Variants in FBXL18 observed in about 807,000 individuals in gnomAD.
The protein encoded by FBXL18 is F-box/LRR-repeat protein 18.
A neutral mutation model predicts 46.0 loss-of-function variants in FBXL18; 36 were observed. That is an observed-to-expected ratio of 0.78 (90% CI 0.60 to 1.03). FBXL18 has a LOEUF of 1.03. Among genes scored for constraint, FBXL18 ranks in the 50% least tolerant of loss-of-function variants. The pLI, the probability that FBXL18 is intolerant of heterozygous loss-of-function variation, is 0.00. For missense variants in FBXL18, 977 were observed against 1,004.1 expected (o/e 0.97, Z 0.36); for synonymous variants, 557 against 465.3 (o/e 1.20, Z -2.54).
chr7:5,485,346 G>C (rs1202781148), intron 4 of FBXL18, among the ~76,000 whole-genome samples: 1 of 152,188 alleles, frequency 6.6e-6, no homozygotes, highest in Non-Finnish European at 1.5e-5. Context: ...TTCATAGTCT[G>C]CTACGTACAT....
At chr7:5,470,052 A>T (rs1236157992) in intron 4 of FBXL18, among the ~76,000 whole-genome samples, 1 of 152,048 alleles carries the variant, frequency 6.6e-6, no homozygotes, top group East Asian at 1.9e-4. Context: ...GAGTGAGTGC[A>T]CATGCGTGTG....
chr7:5,461,478 A>C (rs1175590432), intron 4 of FBXL18, among the ~76,000 whole-genome samples: 2 of 152,224 alleles, frequency 1.3e-5, no homozygotes, highest in Non-Finnish European at 2.9e-5. Flanking sequence ...ACAAGACGCC[A>C]TCCCTACAAA....
chr7:5,464,648 G>A (rs1783314863), intron 4 of FBXL18, among the ~76,000 whole-genome samples: 1 of 71,798 alleles, frequency 1.4e-5, no homozygotes, highest in Non-Finnish European at 2.5e-5. Context: ...GGGCCAATGA[G>A]CAAAACTCTT....
At chr7:5,457,479 G>C (rs1368339088) in intron 4 of FBXL18, among the ~76,000 whole-genome samples, 2 of 152,116 alleles carry the variant, frequency 1.3e-5, no homozygotes, top group African/African-American at 4.8e-5. Context: ...AAGCTGTTTC[G>C]AGCTAGGTTT....
At position 5,501,238 on chromosome 7, in the gene FBXL18, C is replaced by T; in HGVS notation, c.1031G>A (p.Ser344Asn). 1.9e-6 allele frequency: 3 copies of T among 1,613,314 alleles called. No individual in the cohort carries two copies. Among genetic ancestry groups the T allele is most frequent in the Non-Finnish European group, 2.5e-6 (3 of 1,179,818 alleles). ...QVINGGKDLR[S>N]LASLNLSGCV... ...GCCGCTGAGGTTCAAGCTGGCCAGG[C>T]TCCGCAGGTCCTTCCCGCCGTTGAT... The change falls in exon 3 of 5, where the codon AGC becomes AAC. Residue 344 changes from serine to asparagine, a missense_variant. Transcript: ENST00000382368.
chr7:5,482,727 A>G (rs1430449024), intron 4 of FBXL18, among the ~76,000 whole-genome samples: 1 of 151,362 alleles, frequency 6.6e-6, no homozygotes, highest in African/African-American at 2.4e-5. Flanking sequence ...GCACAGCCCT[A>G]CTGGCCCTCC....
rs1047560504 is a variant in FBXL18 at position 5,513,731 on chromosome 7, G to A, written c.-57C>T. On this transcript the variant is annotated 5_prime_UTR_variant, in exon 1 of 5. Coordinates refer to ENST00000382368, the MANE Select transcript of FBXL18 (RefSeq NM_024963.6). ...ATCCGCAACCCCGTGCCTCCCACCT[G>A]CCCGGCTAGGGATGCTCGAAGCCGG... 25 of 1,577,486 alleles carry A rather than the reference G, an allele frequency of 1.6e-5. No individual in the cohort carries two copies. In the East Asian group the frequency reaches 5.6e-4, roughly 36 times the overall value.
downstream of FBXL18, among the ~76,000 whole-genome samples, chr7:5,474,853 G>A (rs541607457): frequency 1.9e-4 from 28 of 150,484 alleles, no homozygotes; most frequent in East Asian, 2.2e-3. Context: ...GACTACAGGC[G>A]CCCGCCACCA....
chr7:5,488,647 C>A lies in FBXL18; in HGVS notation c.2000+2584G>T, dbSNP rs148114440. The stretch of plus-strand genomic sequence containing the variant: ...AACAAAACACCCACGCAGGAGGTGG[C>A]AGCTCTAGGTGCACAGTCGCAGCCT... On this transcript the variant is annotated intron_variant, in intron 4 of 4. Coordinates refer to ENST00000382368, the MANE Select transcript of FBXL18 (RefSeq NM_024963.6). Among the ~76,000 whole-genome samples, 512 of 152,344 alleles carry A rather than the reference C, an allele frequency of 3.4e-3. 4 individuals are homozygous for A. The highest frequency in any genetic ancestry group is 0.012 in the African/African-American group (491 of 41,578).
chr7:5,460,366 CCA>C (rs1783226866), intron 4 of FBXL18, among the ~76,000 whole-genome samples: 1 of 152,174 alleles, frequency 6.6e-6, no homozygotes, highest in Non-Finnish European at 1.5e-5. Context: ...AATACAAAGG[CCA>C]ATAGTTGAAG....
chr7:5,484,639 ATTT>A (rs571301335), intron 4 of FBXL18, among the ~76,000 whole-genome samples: 3 of 137,620 alleles, frequency 2.2e-5, no homozygotes, highest in Non-Finnish European at 3.1e-5. Context: ...TGACCAGCTA[ATTT>A]TTTTTTTTTT....
At chr7:5,457,666 G>A (rs924378246) in intron 4 of FBXL18, among the ~76,000 whole-genome samples, 4 of 152,188 alleles carry the variant, frequency 2.6e-5, no homozygotes, top group Non-Finnish European at 4.4e-5. Context: ...AAAAAGCAAC[G>A]GAAGGCTTGG....
intron 3 of FBXL18, among the ~76,000 whole-genome samples, chr7:5,491,665 T>G (rs376703816): frequency 6.6e-6 from 1 of 152,126 alleles, no homozygotes; most frequent in Admixed American, 6.5e-5. Flanking sequence ...GGCGACCCGG[T>G]GGGCCTGATG....
downstream of FBXL18, among the ~76,000 whole-genome samples, chr7:5,471,799 G>A (rs1456304005): frequency 6.6e-6 from 1 of 152,326 alleles, no homozygotes; most frequent in East Asian, 1.9e-4. Flanking sequence ...GGCCTCCCTG[G>A]CGTAGTGCCC....
At chr7:5,498,821 C>T (rs568193905) in intron 3 of FBXL18, among the ~76,000 whole-genome samples, 33 of 152,172 alleles carry the variant, frequency 2.2e-4, no homozygotes, top group African/African-American at 6.3e-4. Flanking sequence ...GATCCGCACA[C>T]CTTGGCCTCC....
intron 4 of FBXL18, among the ~76,000 whole-genome samples, chr7:5,468,610 A>C (rs1256736837): frequency 6.6e-6 from 1 of 152,032 alleles, no homozygotes; most frequent in Non-Finnish European, 1.5e-5. Context: ...ATATTTATTT[A>C]GTTAGTTATT....
Position 5,506,648 on chromosome 7 carries a change from G to A in FBXL18, c.19-1018C>T, listed in dbSNP as rs1389616005. 5.3e-5 allele frequency among the ~76,000 whole-genome samples: 8 copies of A among 150,946 alleles called. No individual in the cohort carries two copies. In the East Asian group the frequency reaches 5.9e-4, roughly 11 times the overall value. ...CTTGGTTCACTGCAACCTCCACCTC[G>A]CAGGTTCAGGAGATTTTCGTGCCTC... On this transcript the variant is annotated intron_variant, in intron 1 of 4. Coordinates refer to ENST00000382368, the MANE Select transcript of FBXL18 (RefSeq NM_024963.6).
chr7:5,493,837 T>G (rs1783999102), intron 3 of FBXL18, among the ~76,000 whole-genome samples: 1 of 151,900 alleles, frequency 6.6e-6, no homozygotes, highest in South Asian at 2.1e-4. Flanking sequence ...TTAATTGATT[T>G]AAGCAGAAAT....
At chr7:5,472,078 A>G (rs1783436219), downstream of FBXL18, among the ~76,000 whole-genome samples, 1 of 152,076 alleles carries the variant, frequency 6.6e-6, no homozygotes, top group African/African-American at 2.4e-5. Flanking sequence ...ACAGAGCAAG[A>G]CCCTATCTCA....
Sources: gnomAD v4.1 joint callset for allele counts (sites outside exome capture counted in the v4.1 genomes callset) on GRCh38, gnomAD v4.1.1 for gene constraint, MANE v1.5 for transcripts, NCBI Gene and HGNC (gene_info 2026-07-23, HGNC 2026-07-21) for gene names.